ARPC4: variants seen among roughly 807,000 people sequenced by gnomAD.
ARPC4 encodes the protein actin related protein 2/3 complex subunit 4, also known as actin-related protein 2/3 complex subunit 4.
ARPC4 carries 3 observed loss-of-function variants against 22.8 expected under a neutral mutation model. That is an observed-to-expected ratio of 0.13 (90% CI 0.06 to 0.34). ARPC4 has a LOEUF of 0.34. Among genes scored for constraint, ARPC4 ranks in the 10% least tolerant of loss-of-function variants. The pLI, the probability that ARPC4 is intolerant of heterozygous loss-of-function variation, is 1.00. For missense variants in ARPC4, 98 were observed against 211.0 expected, an observed-to-expected ratio of 0.46 and a Z score of 3.32; for synonymous variants, 80 against 72.5, an observed-to-expected ratio of 1.10 and a Z score of -0.52.
intron 2 of ARPC4, chr3:9,799,775 T>A: frequency 2.3e-6 from 1 of 442,714 alleles, no homozygotes; most frequent in South Asian, 1.6e-5. Flanking sequence ...ATTTGCAGAT[T>A]GGGGATGTTC....
chr3:9,794,716 G>A (rs1319447504), intron 1 of ARPC4, among the ~76,000 whole-genome samples: 1 of 151,208 alleles, frequency 6.6e-6, no homozygotes, highest in East Asian at 1.9e-4. Flanking sequence ...AACCACTACT[G>A]CAACCAAAAT....
intron 1 of ARPC4, among the ~76,000 whole-genome samples, chr3:9,797,458 A>T (rs149737266): frequency 6.6e-6 from 1 of 152,338 alleles, no homozygotes; most frequent in Non-Finnish European, 1.5e-5. Context: ...GTACCCTGGC[A>T]GGCAAAATTG....
upstream of ARPC4, chr3:9,792,934 A>G: frequency 7.1e-7 from 1 of 1,400,434 alleles, no homozygotes; most frequent in South Asian, 1.5e-5. Flanking sequence ...AAAAATACCG[A>G]GACAGCCCTA....
intron 1 of ARPC4, 113 bp downstream of exon 1, chr3:9,793,237 G>GT: frequency 6.9e-7 from 1 of 1,451,836 alleles, no homozygotes; most frequent in South Asian, 1.3e-5. Context: ...ATGTCCGGGG[G>GT]TTGTGGGGAC....
At position 9,797,970 on chromosome 3, in the gene ARPC4, C is replaced by G. The variant is rs2078930222; in HGVS notation, c.122+193C>G. 3 of 599,844 alleles carry G rather than the reference C, an allele frequency of 5.0e-6. No homozygotes were observed. In the South Asian group the frequency reaches 6.1e-5, roughly 12 times the overall value. The allele number at this position is 599,844 out of a possible 1,614,324, so 37.2% of individuals were successfully genotyped here. A position where few individuals can be genotyped will look rare whatever the true frequency, so the allele number is the denominator to read the frequency against. On this transcript the variant is annotated intron_variant, in intron 2 of 5. Coordinates refer to ENST00000397261, the MANE Select transcript of ARPC4 (RefSeq NM_005718.5). ...GGGTCAGTGGGTTGGCAGGACAGAACCCAGGGGAAAAGACAAGATTGGTTA... is the reference window on the plus strand; with the variant it reads ...GGGTCAGTGGGTTGGCAGGACAGAAGCCAGGGGAAAAGACAAGATTGGTTA...
chr3:9,801,675 G>A lies in ARPC4; in HGVS notation c.249G>A (p.Glu83=), dbSNP rs1234118795. 4 of 1,608,888 alleles carry A rather than the reference G, an allele frequency of 2.5e-6. No individual in the cohort carries two copies. In the African/African-American group the frequency reaches 5.3e-5, roughly 21 times the overall value. ...SIAVKQADEI[E]KILCHKFMRF... is the part of the protein sequence containing the mutation. ...GCACTCCCCAGGCTGATGAGATCGA[G>A]AAGATTTTGTGCCACAAGTTCATGC... The change falls in exon 4 of 6, where the codon GAG becomes GAA. Residue 83 remains glutamate, a synonymous_variant. Coordinates refer to ENST00000397261, the MANE Select transcript of ARPC4 (RefSeq NM_005718.5).
intron 3 of ARPC4, 141 bp from the exon 4 acceptor site, chr3:9,801,520 C>T (rs754794529): frequency 5.6e-6 from 4 of 720,252 alleles, no homozygotes; most frequent in Non-Finnish European, 6.7e-6. Flanking sequence ...CCAGGTCCCC[C>T]ACTTCAGTGA....
chr3:9,799,332 A>G (rs2078961056), intron 2 of ARPC4, among the ~76,000 whole-genome samples: 1 of 152,244 alleles, frequency 6.6e-6, no homozygotes, highest in Middle Eastern at 3.2e-3. Context: ...AAAGTATTTC[A>G]GATTGTGGAA....
chr3:9,805,663 T>G (rs1222421417), intron 5 of ARPC4, among the ~76,000 whole-genome samples: 1 of 152,264 alleles, frequency 6.6e-6, no homozygotes, highest in Admixed American at 6.5e-5. Flanking sequence ...TGCTCATCTT[T>G]GGGCTAGTTT....
chr3:9,796,931 ACT>A (rs897666759), intron 1 of ARPC4, among the ~76,000 whole-genome samples: 1 of 101,386 alleles, frequency 9.9e-6, no homozygotes, highest in South Asian at 3.2e-4. Context: ...ACAGAGCGAG[ACT>A]CTGTCTCAAA....
At chr3:9,795,762 C>A (rs1205549631) in intron 1 of ARPC4, among the ~76,000 whole-genome samples, 1 of 152,098 alleles carries the variant, frequency 6.6e-6, no homozygotes, top group Non-Finnish European at 1.5e-5. Flanking sequence ...GTCTGTTGAC[C>A]ATGAGGTTTA....
chr3:9,801,352 C>T (rs2079006949), intron 3 of ARPC4, among the ~76,000 whole-genome samples: 1 of 151,714 alleles, frequency 6.6e-6, no homozygotes, highest in Non-Finnish European at 1.5e-5. Flanking sequence ...TGCAAAACAC[C>T]CTGGGAAATG....
At position 9,802,006 on chromosome 3, in the gene ARPC4, C is replaced by T. The variant is rs563994313; in HGVS notation, c.330+250C>T. Among the ~76,000 whole-genome samples, 55 of 152,052 alleles carry T rather than the reference C, an allele frequency of 3.6e-4. 1 individual carries two copies. Among genetic ancestry groups the T allele is most frequent in the Admixed American group, 2.6e-3 (39 of 15,276 alleles). Reference sequence around the variant, plus strand: ...CTCTAATCCCAACACTTTGGGAGGCCGAGGTGGGTGGATCATGAGGTCAGG... The same window carrying T: ...CTCTAATCCCAACACTTTGGGAGGCTGAGGTGGGTGGATCATGAGGTCAGG... On this transcript the variant is annotated intron_variant, in intron 4 of 5. Transcript: ENST00000397261.
intron 1 of ARPC4, among the ~76,000 whole-genome samples, chr3:9,793,730 C>G (rs1012232749): frequency 2.7e-5 from 4 of 150,250 alleles, no homozygotes; most frequent in African/African-American, 1.0e-4. Context: ...GAAGTCCTCC[C>G]TTTTTCATAC....
intron 2 of ARPC4, chr3:9,798,124 T>C (rs980065033): frequency 4.0e-4 from 69 of 172,896 alleles, no homozygotes; most frequent in South Asian, 1.1e-3. Context: ...ACTTTTCTTT[T>C]TTTTTTTTTT....
chr3:9,793,463 C>T (rs1034645860), intron 1 of ARPC4, among the ~76,000 whole-genome samples: 4 of 152,214 alleles, frequency 2.6e-5, no homozygotes, highest in Admixed American at 6.5e-5. Context: ...GCCTCTGAGG[C>T]ATGAAGCAAG....
intron 5 of ARPC4, among the ~76,000 whole-genome samples, chr3:9,805,976 C>G (rs930486941): frequency 6.6e-6 from 1 of 152,252 alleles, no homozygotes; most frequent in East Asian, 1.9e-4. Context: ...TGGAGAAGCT[C>G]TCATGGCTCT....
intron 5 of ARPC4, among the ~76,000 whole-genome samples, chr3:9,804,912 C>T (rs561263945): frequency 3.9e-5 from 6 of 152,232 alleles, no homozygotes; most frequent in Non-Finnish European, 7.3e-5. Context: ...CAGGCTCCAC[C>T]GCCTACTCAG....
intron 1 of ARPC4, among the ~76,000 whole-genome samples, chr3:9,796,717 A>G (rs571323109): frequency 6.6e-5 from 10 of 152,232 alleles, no homozygotes; most frequent in South Asian, 2.1e-4. Context: ...CAAGGCGGGC[A>G]GATTACAAGG....
Sources: allele counts gnomAD v4.1 joint callset (sites outside exome capture counted in the v4.1 genomes callset), GRCh38; gene constraint gnomAD v4.1.1; transcripts MANE v1.5; gene names NCBI Gene and HGNC (gene_info 2026-07-23, HGNC 2026-07-21).